The following C16orf78 variants were observed in gnomAD, a reference collection of about 807,000 sequenced individuals.
C16orf78 encodes the protein uncharacterized protein C16orf78.
C16orf78 carries 19 observed loss-of-function variants against 27.3 expected under a neutral mutation model. That is an observed-to-expected ratio of 0.70 (90% CI 0.49 to 1.02). The LOEUF is 1.02. Among genes scored for constraint, C16orf78 ranks in the 50% least tolerant of loss-of-function variants. The pLI is 0.00. For synonymous variants in C16orf78, 130 were observed against 116.1 expected, an observed-to-expected ratio of 1.12 and a Z score of -0.77; for missense variants, 339 against 337.0, an observed-to-expected ratio of 1.01 and a Z score of -0.05.
At chr16:49,382,979 C>G (rs1483614851) in intron 3 of C16orf78, among the ~76,000 whole-genome samples, 2 of 152,250 alleles carry the variant, frequency 1.3e-5, no homozygotes, top group African/African-American at 4.8e-5. Context: ...TTATTTACAT[C>G]TCACTGCACA....
chr16:49,379,732 AG>A (rs755662942), intron 3 of C16orf78, among the ~76,000 whole-genome samples: 29 of 152,350 alleles, frequency 1.9e-4, no homozygotes, highest in Admixed American at 1.7e-3. Flanking sequence ...GTTAACATTA[AG>A]GGAAAATGGA....
intron 3 of C16orf78, among the ~76,000 whole-genome samples, chr16:49,391,169 A>G (rs993010706): frequency 1.3e-5 from 2 of 152,208 alleles, no homozygotes; most frequent in African/African-American, 4.8e-5. Context: ...ACCAAATTGA[A>G]TTTAAATTTT....
intron 3 of C16orf78, among the ~76,000 whole-genome samples, chr16:49,381,194 A>G (rs1965282402): frequency 6.6e-6 from 1 of 152,110 alleles, no homozygotes; most frequent in Non-Finnish European, 1.5e-5. Context: ...CTTGATGGGG[A>G]TGGCATTGAA....
intron 3 of C16orf78, among the ~76,000 whole-genome samples, chr16:49,394,412 A>G (rs1965447186): frequency 1.3e-5 from 2 of 152,128 alleles, no homozygotes; most frequent in Admixed American, 1.3e-4. Context: ...CATTATCAGG[A>G]TATCTAAGAA....
chr16:49,378,624 G>C lies in C16orf78; in HGVS notation c.394+31G>C, dbSNP rs1567390232. 4.3e-6 allele frequency: 7 copies of C among 1,612,780 alleles called. 1 individual carries two copies. The highest frequency in any genetic ancestry group is 5.9e-6 in the Non-Finnish European group (7 of 1,179,574). Reference sequence around the variant, plus strand: ...GGAAAAACCTTGGCCCCGGCCACCAGAATCCTGCTCCATAATCTCCTCCTC... The same window carrying C: ...GGAAAAACCTTGGCCCCGGCCACCACAATCCTGCTCCATAATCTCCTCCTC... On this transcript the variant is annotated intron_variant, in intron 3 of 4. Transcript: ENST00000299191.
At chr16:49,382,062 C>T (rs1965292840) in intron 3 of C16orf78, among the ~76,000 whole-genome samples, 1 of 152,164 alleles carries the variant, frequency 6.6e-6, no homozygotes, top group Admixed American at 6.5e-5. Context: ...GGCACATACA[C>T]ACAATGGAAT....
chr16:49,375,851 T>A (rs1965209979), intron 1 of C16orf78, among the ~76,000 whole-genome samples: 1 of 152,212 alleles, frequency 6.6e-6, no homozygotes, highest in South Asian at 2.1e-4. Context: ...TTTAATATCA[T>A]CACAGGAATT....
Position 49,392,285 on chromosome 16 carries a change from A to G in C16orf78, c.395-4138A>G, listed in dbSNP as rs371688965. On this transcript the variant is annotated intron_variant, in intron 3 of 4. Transcript: ENST00000299191. ...CCCCAACTCACATAAGTCACTATCA[A>G]ATGAATGACTTATATTTGTAGATTC... is the stretch of plus-strand genomic sequence containing the variant. Among the ~76,000 whole-genome samples, 14 of 152,336 alleles carry G rather than the reference A, an allele frequency of 9.2e-5. No individual in the cohort carries two copies. In the East Asian group the frequency reaches 1.7e-3, roughly 19 times the overall value.
chr16:49,377,620 C>T (rs1023124320), intron 1 of C16orf78, 111 bp from the exon 2 acceptor site: 4 of 1,361,622 alleles, frequency 2.9e-6, no homozygotes, highest in African/African-American at 2.9e-5. Flanking sequence ...TGTGCTGAAG[C>T]CTGTGGAGGG....
intron 1 of C16orf78, 123 bp downstream of exon 1, chr16:49,374,212 C>T: frequency 2.6e-6 from 3 of 1,145,776 alleles, no homozygotes; most frequent in East Asian, 5.1e-5. Flanking sequence ...CTGGGATAAG[C>T]TAGTGAGAAC....
chr16:49,391,927 C>G (rs1965417251), intron 3 of C16orf78, among the ~76,000 whole-genome samples: 1 of 152,206 alleles, frequency 6.6e-6, no homozygotes, highest in African/African-American at 2.4e-5. Context: ...CTGCTGAGGC[C>G]ACCTGACCTT....
intron 3 of C16orf78, among the ~76,000 whole-genome samples, chr16:49,388,798 C>T (rs1325237854): frequency 6.6e-6 from 1 of 152,116 alleles, no homozygotes; most frequent in East Asian, 1.9e-4. Flanking sequence ...ATAGGCACCC[C>T]TTGTGCCCAG....
chr16:49,383,699 A>C (rs1965313556), intron 3 of C16orf78, among the ~76,000 whole-genome samples: 2 of 152,208 alleles, frequency 1.3e-5, no homozygotes. Context: ...TTTATATTTA[A>C]AGTGAGCTTT....
chr16:49,396,363 C>T, intron 3 of C16orf78, 60 bp from the exon 4 acceptor site: 1 of 1,579,358 alleles, frequency 6.3e-7, no homozygotes, highest in Non-Finnish European at 8.6e-7. Context: ...CCCTTCCTGC[C>T]TACCCCACCT....
At chr16:49,384,693 C>A (rs1965326858) in intron 3 of C16orf78, among the ~76,000 whole-genome samples, 1 of 152,070 alleles carries the variant, frequency 6.6e-6, no homozygotes, top group African/African-American at 2.4e-5. Flanking sequence ...TCATGAGGCC[C>A]AATCATTCCC....
chr16:49,385,849 G>T (rs1469555878), intron 3 of C16orf78, among the ~76,000 whole-genome samples: 1 of 152,070 alleles, frequency 6.6e-6, no homozygotes, highest in Non-Finnish European at 1.5e-5. Context: ...CAAAATGACA[G>T]TAAGTTTTTA....
chr16:49,399,135 C>G lies in C16orf78; in HGVS notation c.655C>G (p.Leu219Val), dbSNP rs140363820. Reference protein sequence around the residue: ...KPEEVLSCRYLRLSKENIRTL... With the variant: ...KPEEVLSCRYVRLSKENIRTL... ...CTTTTGCCTTCTCTTGAACAGATAC[C>G]TGAGGTTATCCAAGGAGAACATTCG... Residue 219 changes from leucine to valine, a missense_variant, in exon 5 of 5, where the codon CTG (leucine) becomes GTG (valine). Leu to Val is a conservative substitution (Grantham distance 32). Coordinates refer to ENST00000299191, the MANE Select transcript of C16orf78 (RefSeq NM_144602.4). The G allele has an allele frequency of 1.4e-5, 22 of 1,613,892 alleles. No individual in the cohort carries two copies. The African/African-American group carries it at 2.4e-4, about 18-fold the overall frequency.
chr16:49,378,600 G>A lies in C16orf78; in HGVS notation c.394+7G>A, dbSNP rs749436378. On this transcript the variant is annotated splice_region_variant and intron_variant, in intron 3 of 4. Coordinates refer to ENST00000299191, the MANE Select transcript of C16orf78 (RefSeq NM_144602.4). ...GATGGCCCCAAGAAATCTGGTAAGGGAAAAACCTTGGCCCCGGCCACCAGA... is the reference window on the plus strand; with the variant it reads ...GATGGCCCCAAGAAATCTGGTAAGGAAAAAACCTTGGCCCCGGCCACCAGA... The A allele has an allele frequency of 8.7e-6, 14 of 1,613,656 alleles. No homozygotes were observed. The highest frequency in any genetic ancestry group is 1.1e-5 in the Non-Finnish European group (13 of 1,179,874).
chr16:49,384,464 A>G (rs117160112), intron 3 of C16orf78, among the ~76,000 whole-genome samples: 3 of 152,230 alleles, frequency 2.0e-5, no homozygotes, highest in East Asian at 3.9e-4. Context: ...CAGAAGAATC[A>G]GTGAATTTAA....
Sources: gnomAD v4.1 joint callset for allele counts (sites outside exome capture counted in the v4.1 genomes callset) on GRCh38, gnomAD v4.1.1 for gene constraint, MANE v1.5 for transcripts, NCBI Gene and HGNC (gene_info 2026-07-23, HGNC 2026-07-21) for gene names.